The following MAP2K3 variants were observed in gnomAD, a reference collection of about 807,000 sequenced individuals.
MAP2K3 encodes the protein mitogen-activated protein kinase kinase 3.
Under a neutral mutation model 46.4 loss-of-function variants are expected in MAP2K3, and 30 were observed. That is an observed-to-expected ratio of 0.65 (90% CI 0.48 to 0.88). The LOEUF (loss-of-function observed/expected upper bound fraction) is 0.88, where lower values mean the gene tolerates loss of function less well. MAP2K3 is among the 40% of genes least tolerant of loss of function. The pLI is 0.00. For synonymous variants in MAP2K3, 189 were observed against 176.3 expected, an observed-to-expected ratio of 1.07 and a Z score of -0.57; for missense variants, 380 against 464.5, an observed-to-expected ratio of 0.82 and a Z score of 1.67.
At chr17:21,286,874 G>A (rs1441115114) in intron 1 of MAP2K3, among the ~76,000 whole-genome samples, 1 of 152,216 alleles carries the variant, frequency 6.6e-6, no homozygotes, top group Non-Finnish European at 1.5e-5. Flanking sequence ...GGACTCTGTA[G>A]TCTCTTTGGG....
chr17:21,302,029 T>A (rs1247600396), intron 5 of MAP2K3, 114 bp from the exon 6 acceptor site: 7 of 1,000,422 alleles, frequency 7.0e-6, no homozygotes, highest in African/African-American at 3.5e-5. Flanking sequence ...GCTGAGTGGG[T>A]GGGCACACGT....
intron 1 of MAP2K3, chr17:21,287,966 C>T: frequency 8.2e-7 from 1 of 1,220,532 alleles, no homozygotes; most frequent in Non-Finnish European, 1.1e-6. Context: ...TCGGGGACTT[C>T]CCCCACCCCT....
intron 6 of MAP2K3, 38 bp downstream of exon 6, chr17:21,302,297 G>A (rs559851615): frequency 2.0e-6 from 3 of 1,533,362 alleles, no homozygotes; most frequent in East Asian, 4.5e-5. Flanking sequence ...GGTCCTAGGT[G>A]CATAGGCAGA....
intron 7 of MAP2K3, 118 bp from the exon 8 acceptor site, chr17:21,304,308 A>G (rs1482566961): frequency 2.8e-5 from 44 of 1,562,386 alleles, no homozygotes; most frequent in Non-Finnish European, 3.6e-5. Flanking sequence ...CCACTGGGGC[A>G]TGGGAGGGGG....
At chr17:21,291,160 C>T (rs1373958131) in intron 1 of MAP2K3, among the ~76,000 whole-genome samples, 3 of 152,302 alleles carry the variant, frequency 2.0e-5, no homozygotes, top group Non-Finnish European at 2.9e-5. Context: ...AGGAGAATGG[C>T]ATGAACCCGG....
In MAP2K3 at chr17:21,298,788, C is replaced by G; in HGVS notation, c.117-90C>G. 1.5e-5 allele frequency: 24 copies of G among 1,595,058 alleles called. No homozygotes were observed. In the South Asian group the frequency reaches 2.5e-4, roughly 17 times the overall value. On this transcript the variant is annotated intron_variant, in intron 2 of 11. Transcript: ENST00000342679. ...TCCGGGGCAGGAGGCACCTCGTCCC[C>G]ACGCCAGGCCCCACACTGGCCCATC...
At chr17:21,286,247 C>A (rs1056854954) in intron 1 of MAP2K3, among the ~76,000 whole-genome samples, 2 of 152,252 alleles carry the variant, frequency 1.3e-5, no homozygotes, top group African/African-American at 4.8e-5. Flanking sequence ...TGTTTCCATT[C>A]TTCTTGCTGG....
intron 1 of MAP2K3, among the ~76,000 whole-genome samples, chr17:21,296,655 A>C (rs1976269578): frequency 6.6e-6 from 1 of 152,310 alleles, no homozygotes; most frequent in African/African-American, 2.4e-5. Flanking sequence ...TCCCCAAGTA[A>C]AGTGAGGTTG....
intron 1 of MAP2K3, chr17:21,291,416 GGTTT>G (rs1761392228): frequency 6.6e-6 from 3 of 455,962 alleles, no homozygotes; most frequent in South Asian, 1.5e-5. Context: ...CGTTTGTTCA[GGTTT>G]GTTTTCCGTT....
rs781544327 is a variant in MAP2K3, at chr17:21,296,189, C to T, written c.50-2224C>T. On this transcript the variant is annotated intron_variant, in intron 1 of 11. Transcript: ENST00000342679. ...CCTTGCAGACGTGATCTTGCTTCGT[C>T]CTGCAGCACTGTGCGGGGCAGGTGG... 22 of 1,289,360 alleles carry T rather than the reference C, an allele frequency of 1.7e-5. No homozygotes were observed. In the East Asian group the frequency reaches 1.1e-3, roughly 62 times the overall value. The allele number at this position is 1,289,360 out of a possible 1,614,324, so 79.9% of individuals were successfully genotyped here. A position where few individuals can be genotyped will look rare whatever the true frequency, so the allele number is the denominator to read the frequency against.
intron 9 of MAP2K3, among the ~76,000 whole-genome samples, chr17:21,307,124 C>A (rs1242101146): frequency 4.3e-4 from 65 of 152,338 alleles, no homozygotes; most frequent in Non-Finnish European, 6.5e-4. Context: ...CCCCCCTCCT[C>A]TCAGCATCAG....
chr17:21,298,464 C>A lies in MAP2K3; in HGVS notation c.101C>A (p.Pro34His). ...CGGATATCCTGCATGTCCAAGCCAC[C>A]CGCACCCAACCCCACGTGAGTCTGC... is the stretch of plus-strand genomic sequence containing the variant. ...DLRISCMSKPPAPNPTPPRNL... is the reference protein window; with the variant it reads ...DLRISCMSKPHAPNPTPPRNL... The change falls in exon 2 of 12, where the codon CCC becomes CAC. Residue 34 changes from proline (P) to histidine (H), a missense_variant. By Grantham distance (77) the Pro-to-His change is moderately conservative. Transcript: ENST00000342679. 1 of 1,614,318 alleles carries A rather than the reference C, an allele frequency of 6.2e-7. No individual in the cohort carries two copies. Among genetic ancestry groups the A allele is most frequent in the South Asian group, 1.1e-5 (1 of 91,092 alleles).
At chr17:21,297,406 T>C (rs1976318845) in intron 1 of MAP2K3, among the ~76,000 whole-genome samples, 1 of 152,308 alleles carries the variant, frequency 6.6e-6, no homozygotes, top group African/African-American at 2.4e-5. Context: ...TGGGAAATGA[T>C]GAGGCAGAAG....
At chr17:21,312,739 AC>A (rs1977223719) in intron 10 of MAP2K3, among the ~76,000 whole-genome samples, 2 of 151,912 alleles carry the variant, frequency 1.3e-5, no homozygotes, top group Admixed American at 1.3e-4. Flanking sequence ...ACATGGTGAA[AC>A]CCCGACTCTA....
rs1328435324 is a variant in MAP2K3, at chr17:21,284,739, A to T, written c.-182A>T. On this transcript the variant is annotated 5_prime_UTR_variant, in exon 1 of 12. Transcript: ENST00000342679. ...CTGTCTCCGGCGCCGCCCGTCGCGG[A>T]CTCGTCCTTGCTGCAGTCGCCGCCG... 1.8e-6 allele frequency: 1 copy of T among 554,954 alleles called. No homozygotes were observed. The highest frequency in any genetic ancestry group is 3.3e-5 in the South Asian group (1 of 29,974). The allele number at this position is 554,954 out of a possible 1,614,324, so 34.4% of individuals were successfully genotyped here. A position where few individuals can be genotyped will look rare whatever the true frequency, so the allele number is the denominator to read the frequency against.
At chr17:21,303,516 G>C (rs1976722446) in intron 7 of MAP2K3, among the ~76,000 whole-genome samples, 3 of 152,428 alleles carry the variant, frequency 2.0e-5, no homozygotes, top group East Asian at 3.8e-4. Flanking sequence ...AGCATAGAGT[G>C]CATATAATCA....
At chr17:21,288,053 C>A (rs535059033) in intron 1 of MAP2K3, 4 of 1,289,060 alleles carry the variant, frequency 3.1e-6, no homozygotes, top group Non-Finnish European at 4.0e-6. Flanking sequence ...TCAGTTGGCC[C>A]GTGTGAGGAG....
intron 1 of MAP2K3, chr17:21,295,486 T>C: frequency 1.2e-6 from 1 of 817,618 alleles, no homozygotes; most frequent in Non-Finnish European, 1.5e-6. Context: ...GTGGTGATGG[T>C]TGCCACAACG....
chr17:21,284,987 G>A lies in MAP2K3; in HGVS notation c.49+18G>A. 6.2e-7 allele frequency: 1 copy of A among 1,604,890 alleles called. No homozygotes were observed. Among genetic ancestry groups the A allele is most frequent in the Non-Finnish European group, 8.5e-7 (1 of 1,176,488 alleles). On this transcript the variant is annotated intron_variant, in intron 1 of 11. Transcript: ENST00000342679. ...GTCCAAAGGTAGGCGCTCCCGGCCGGGACCTCGGCCTGACCCCGCGCCTAA... is the reference window on the plus strand; with the variant it reads ...GTCCAAAGGTAGGCGCTCCCGGCCGAGACCTCGGCCTGACCCCGCGCCTAA...
Sources: allele counts gnomAD v4.1 joint callset (sites outside exome capture counted in the v4.1 genomes callset), GRCh38; gene constraint gnomAD v4.1.1; transcripts MANE v1.5; gene names NCBI Gene and HGNC (gene_info 2026-07-23, HGNC 2026-07-21).